MCTP2: variants seen among roughly 807,000 people sequenced by gnomAD.
MCTP2 encodes multiple C2 and transmembrane domain containing 2, also known as multiple C2 and transmembrane domain-containing protein 2.
MCTP2 carries 132 observed loss-of-function variants against 111.6 expected under a neutral mutation model. That is an observed-to-expected ratio of 1.18 (90% CI 1.03 to 1.37). MCTP2 has a LOEUF of 1.37. MCTP2 is among the 40% of genes most tolerant of loss of function. The probability of loss-of-function intolerance (pLI) is 0.00; values close to 1 mark genes in which losing one functional copy is unlikely to be tolerated. For synonymous variants in MCTP2, 395 were observed against 387.7 expected (o/e 1.02, Z -0.22); for missense variants, 1,183 against 1,067.9 (o/e 1.11, Z -1.50).
intron 1 of MCTP2, among the ~76,000 whole-genome samples, chr15:94,293,901 A>C (rs910307525): frequency 6.6e-6 from 1 of 152,230 alleles, no homozygotes; most frequent in African/African-American, 2.4e-5. Context: ...ATTCGTACAC[A>C]AAAAACCTGT....
In MCTP2 at chr15:94,328,340, G is replaced by C. The variant is rs536388544; in HGVS notation, c.638-10950G>C. 2.6e-4 allele frequency among the ~76,000 whole-genome samples: 39 copies of C among 152,132 alleles called. No individual in the cohort carries two copies. The South Asian group carries it at 5.2e-3, about 20-fold the overall frequency. On this transcript the variant is annotated intron_variant, in intron 4 of 22. Transcript: ENST00000357742. The stretch of plus-strand genomic sequence containing the variant: ...AGACGGGGTTTCACTGTGTTAGCCA[G>C]GATGGTCTTGATCTCCTGACCTCGT...
intron 19 of MCTP2, among the ~76,000 whole-genome samples, chr15:94,455,445 G>T (rs1466936553): frequency 3.5e-5 from 5 of 144,202 alleles, no homozygotes; most frequent in Admixed American, 1.4e-4. Context: ...TCTTTCTGTT[G>T]TTTTTTTTTT....
intron 19 of MCTP2, among the ~76,000 whole-genome samples, chr15:94,444,848 A>C (rs982063870): frequency 2.6e-5 from 4 of 152,240 alleles, no homozygotes; most frequent in Non-Finnish European, 5.9e-5. Flanking sequence ...AAGCCTGTTT[A>C]AATGAACCAC....
intron 16 of MCTP2, among the ~76,000 whole-genome samples, chr15:94,401,094 T>A (rs912017582): frequency 6.6e-6 from 1 of 152,106 alleles, no homozygotes; most frequent in Non-Finnish European, 1.5e-5. Context: ...AGAGAGACAT[T>A]TCCTTTGCAA....
chr15:94,353,512 A>G (rs1018105605), intron 8 of MCTP2, among the ~76,000 whole-genome samples: 1 of 152,170 alleles, frequency 6.6e-6, no homozygotes, highest in Non-Finnish European at 1.5e-5. Context: ...CCAAGCCGCA[A>G]AATTATTTTA....
chr15:94,323,943 C>T (rs978308099), intron 4 of MCTP2, among the ~76,000 whole-genome samples: 8 of 152,004 alleles, frequency 5.3e-5, no homozygotes, highest in Non-Finnish European at 1.0e-4. Context: ...CATTATTTTC[C>T]GGGATGTTAT....
chr15:94,377,412 G>C (rs1479558192), intron 12 of MCTP2, among the ~76,000 whole-genome samples: 1 of 152,158 alleles, frequency 6.6e-6, no homozygotes, highest in African/African-American at 2.4e-5. Flanking sequence ...CTGGCAGGCC[G>C]TCTGCTTCAA....
At chr15:94,258,114 A>G (rs12101859) in intron 1 of MCTP2, among the ~76,000 whole-genome samples, 74,866 of 146,408 alleles carry the variant, frequency 0.51, 19,295 homozygotes, top group Middle Eastern at 0.63. Flanking sequence ...GACCTCAAGT[A>G]ACCTGCCTGT....
intron 1 of MCTP2, among the ~76,000 whole-genome samples, chr15:94,259,244 G>T (rs1323204101): frequency 6.6e-6 from 1 of 152,132 alleles, no homozygotes; most frequent in Non-Finnish European, 1.5e-5. Flanking sequence ...GTTTGCTAAA[G>T]GTCCTGAATA....
chr15:94,415,470 C>A (rs115513557), intron 17 of MCTP2, among the ~76,000 whole-genome samples: 137 of 152,202 alleles, frequency 9.0e-4, no homozygotes, highest in African/African-American at 3.1e-3. Flanking sequence ...TGTTCCAAAG[C>A]GGGGCTTAAA....
chr15:94,244,705 CAT>C (rs1433317121), intron 1 of MCTP2, among the ~76,000 whole-genome samples: 1 of 148,808 alleles, frequency 6.7e-6, no homozygotes, highest in Non-Finnish European at 1.5e-5. Context: ...TATACACATA[CAT>C]ATGCACCTAT....
intron 4 of MCTP2, among the ~76,000 whole-genome samples, chr15:94,331,209 G>T (rs2077118501): frequency 6.6e-6 from 1 of 152,088 alleles, no homozygotes; most frequent in African/African-American, 2.4e-5. Context: ...ATTGGATGGG[G>T]ACTTTTAAAA....
intron 17 of MCTP2, among the ~76,000 whole-genome samples, chr15:94,430,926 C>T (rs61048555): frequency 0.15 from 22,873 of 152,108 alleles, 1,746 homozygotes; most frequent in East Asian, 0.25. Flanking sequence ...CTAATTACCT[C>T]ACATGTAATT....
At chr15:94,293,235 T>C (rs906263948) in intron 1 of MCTP2, among the ~76,000 whole-genome samples, 26 of 152,150 alleles carry the variant, frequency 1.7e-4, no homozygotes, top group African/African-American at 6.3e-4. Context: ...TAAAAACTTT[T>C]ACTGTGCAAA....
chr15:94,355,720 A>C (rs1407018375), intron 8 of MCTP2, among the ~76,000 whole-genome samples: 1 of 152,240 alleles, frequency 6.6e-6, no homozygotes, highest in Non-Finnish European at 1.5e-5. Flanking sequence ...ATAAATTCAA[A>C]GTCATTATTT....
chr15:94,398,161 T>C (rs549750611), intron 14 of MCTP2, among the ~76,000 whole-genome samples: 1 of 152,318 alleles, frequency 6.6e-6, no homozygotes, highest in Non-Finnish European at 1.5e-5. Context: ...GAAACTTGTT[T>C]ATTTTGAAGA....
At chr15:94,420,720 G>T (rs1225840376) in intron 17 of MCTP2, among the ~76,000 whole-genome samples, 1 of 152,172 alleles carries the variant, frequency 6.6e-6, no homozygotes, top group African/African-American at 2.4e-5. Flanking sequence ...GATGAGTCAG[G>T]AAAGTGGATT....
At chr15:94,364,950 T>C (rs971406417) in intron 10 of MCTP2, among the ~76,000 whole-genome samples, 1 of 152,190 alleles carries the variant, frequency 6.6e-6, no homozygotes, top group South Asian at 2.1e-4. Flanking sequence ...CTTTCCTCCT[T>C]CTTCCAGAAT....
rs2074695311 is a variant in MCTP2, at chr15:94,480,951, A to T, written c.*1917A>T. 1 of 152,330 alleles carries T rather than the reference A, an allele frequency of 6.6e-6. No individual in the cohort carries two copies. 9.4% of individuals were successfully genotyped at this position (152,330 alleles called of 1,614,324 possible). On this transcript the variant is annotated 3_prime_UTR_variant, in exon 23 of 23. Coordinates refer to ENST00000357742, the MANE Select transcript of MCTP2 (RefSeq NM_001385001.1). ...TGGGACGTAAGAGCAGGACCGAATCAACCTTGAATAAACTGTATATAGAAA... is the reference window on the plus strand; with the variant it reads ...TGGGACGTAAGAGCAGGACCGAATCTACCTTGAATAAACTGTATATAGAAA...
Sources: gnomAD v4.1 joint callset for allele counts (sites outside exome capture counted in the v4.1 genomes callset) on GRCh38, gnomAD v4.1.1 for gene constraint, MANE v1.5 for transcripts, NCBI Gene and HGNC (gene_info 2026-07-23, HGNC 2026-07-21) for gene names.